Variants in TTC27 observed in about 807,000 individuals in gnomAD.
TTC27 encodes tetratricopeptide repeat domain 27.
In TTC27, 79 loss-of-function variants were observed where a neutral mutation model predicts 115.9. The ratio of observed to expected loss-of-function variants is 0.68; its 90% confidence interval spans 0.57 to 0.82. The LOEUF is 0.82. Among genes scored for constraint, TTC27 ranks in the 40% least tolerant of loss-of-function variants. TTC27 has a pLI of 0.00. For synonymous variants in TTC27, 401 were observed against 356.0 expected, an observed-to-expected ratio of 1.13 and a Z score of -1.42; for missense variants, 1,054 against 993.1, an observed-to-expected ratio of 1.06 and a Z score of -0.82.
intron 10 of TTC27, among the ~76,000 whole-genome samples, chr2:32,714,098 C>T (rs1178591545): frequency 6.6e-6 from 1 of 151,384 alleles, no homozygotes; most frequent in African/African-American, 2.4e-5. Flanking sequence ...AGAACATAAT[C>T]TTGTTCTTTT....
At chr2:32,744,738 G>A (rs1254602762) in intron 12 of TTC27, among the ~76,000 whole-genome samples, 1 of 152,108 alleles carries the variant, frequency 6.6e-6, no homozygotes, top group East Asian at 1.9e-4. Context: ...TTTGACATTT[G>A]AAATATCTGA....
At chr2:32,801,993 G>C (rs1301962975) in intron 16 of TTC27, among the ~76,000 whole-genome samples, 2 of 152,176 alleles carry the variant, frequency 1.3e-5, no homozygotes, top group Non-Finnish European at 2.9e-5. Flanking sequence ...TCTGTTATTA[G>C]TCTTCAGCAG....
At chr2:32,809,321 C>G (rs1173195083) in intron 16 of TTC27, among the ~76,000 whole-genome samples, 1 of 152,186 alleles carries the variant, frequency 6.6e-6, no homozygotes, top group Non-Finnish European at 1.5e-5. Context: ...AGTGCAATTG[C>G]AATATGCCAG....
chr2:32,797,730 G>A (rs916803366), intron 16 of TTC27, among the ~76,000 whole-genome samples: 7 of 152,078 alleles, frequency 4.6e-5, no homozygotes, highest in Non-Finnish European at 7.4e-5. Flanking sequence ...GACACCAAAA[G>A]CACAGGCAAT....
rs143596724 is a variant in TTC27, at chr2:32,799,857, A to G, written c.1999-11167A>G. Among the ~76,000 whole-genome samples the G allele has an allele frequency of 1.7e-3, 262 of 152,366 alleles. 1 individual carries two copies. The highest frequency in any genetic ancestry group is 3.2e-3 in the Non-Finnish European group (218 of 68,034). Reference sequence around the variant, plus strand: ...TAATATGTATTGAAATAGCTAGCCAAATGTTTAGGACCAAAAGCTTGAAAC... The same window carrying G: ...TAATATGTATTGAAATAGCTAGCCAGATGTTTAGGACCAAAAGCTTGAAAC... On this transcript the variant is annotated intron_variant, in intron 16 of 19. Coordinates refer to ENST00000317907, the MANE Select transcript of TTC27 (RefSeq NM_017735.5).
chr2:32,671,118 T>C (rs1335032708), intron 7 of TTC27, among the ~76,000 whole-genome samples: 1 of 152,204 alleles, frequency 6.6e-6, no homozygotes, highest in Non-Finnish European at 1.5e-5. Flanking sequence ...GTTTTTCTCT[T>C]ATAATTCATA....
chr2:32,644,562 C>G (rs1373899413), intron 4 of TTC27, among the ~76,000 whole-genome samples: 1 of 151,804 alleles, frequency 6.6e-6, no homozygotes, highest in African/African-American at 2.4e-5. Flanking sequence ...CTATGTATAC[C>G]TCATTTTGTG....
chr2:32,630,776 G>A, intron 2 of TTC27, 76 bp downstream of exon 2: 2 of 1,358,008 alleles, frequency 1.5e-6, no homozygotes, highest in Non-Finnish European at 2.0e-6. Flanking sequence ...GTAAGGCCCT[G>A]ATTTTAGCAG....
intron 15 of TTC27, among the ~76,000 whole-genome samples, chr2:32,785,417 G>T (rs1354729954): frequency 6.6e-6 from 1 of 152,032 alleles, no homozygotes; most frequent in Non-Finnish European, 1.5e-5. Context: ...CTCTGCATTT[G>T]TTTACTGTAG....
At chr2:32,771,322 C>T (rs1167268704) in intron 13 of TTC27, among the ~76,000 whole-genome samples, 1 of 152,170 alleles carries the variant, frequency 6.6e-6, no homozygotes, top group African/African-American at 2.4e-5. Context: ...GCCTGTTGCA[C>T]TGTAGAAAAA....
In TTC27 at chr2:32,672,328, A is replaced by G. The variant is rs1173619337; in HGVS notation, c.996A>G (p.Glu332=). 2 of 1,614,014 alleles carry G rather than the reference A, an allele frequency of 1.2e-6. No individual in the cohort carries two copies. The highest frequency in any genetic ancestry group is 1.7e-6 in the Non-Finnish European group (2 of 1,179,928). The stretch of plus-strand genomic sequence containing the variant: ...ATGACATAAAGTTAGCAGATTGTGA[A>G]CAGTTCCAGATGCCGGATCTGTGTG... The part of the protein sequence containing the change: ...ILNDIKLADC[E]QFQMPDLCAE... Residue 332 remains glutamate (E), a synonymous_variant, in exon 8 of 20, where the codon GAA becomes GAG. Transcript: ENST00000317907.
chr2:32,786,754 A>G (rs768305442), intron 15 of TTC27, among the ~76,000 whole-genome samples: 5 of 152,146 alleles, frequency 3.3e-5, no homozygotes, highest in Non-Finnish European at 5.9e-5. Context: ...CAGTAAATAG[A>G]TTAGGAAAGG....
At chr2:32,744,925 G>C (rs187057735) in intron 12 of TTC27, among the ~76,000 whole-genome samples, 1 of 151,986 alleles carries the variant, frequency 6.6e-6, no homozygotes, top group Non-Finnish European at 1.5e-5. Flanking sequence ...ATGGGCACCT[G>C]TAATCCCAGC....
intron 6 of TTC27, among the ~76,000 whole-genome samples, chr2:32,666,384 G>A (rs1665777277): frequency 6.7e-6 from 1 of 149,180 alleles, no homozygotes; most frequent in African/African-American, 2.5e-5. Context: ...TTTAAAGGGT[G>A]GTAGTTTGAT....
intron 5 of TTC27, among the ~76,000 whole-genome samples, chr2:32,650,610 C>T (rs1415514424): frequency 1.3e-5 from 2 of 151,684 alleles, no homozygotes; most frequent in Admixed American, 6.6e-5. Context: ...AAAAAAAGTC[C>T]TTAACTAACT....
At chr2:32,771,941 G>A (rs1669844095) in intron 13 of TTC27, among the ~76,000 whole-genome samples, 1 of 152,104 alleles carries the variant, frequency 6.6e-6, no homozygotes, top group Admixed American at 6.5e-5. Flanking sequence ...TATTATATGT[G>A]ACAGAAAAAT....
intron 7 of TTC27, among the ~76,000 whole-genome samples, chr2:32,668,132 A>C: frequency 6.6e-6 from 1 of 152,044 alleles, no homozygotes; most frequent in East Asian, 1.9e-4. Flanking sequence ...CGGAGCTTGC[A>C]GTGAGCCGAG....
Position 32,660,122 on chromosome 2 carries a change from A to G in TTC27, c.641-4181A>G, listed in dbSNP as rs1440057095. On this transcript the variant is annotated intron_variant, in intron 5 of 19. Coordinates refer to ENST00000317907, the MANE Select transcript of TTC27 (RefSeq NM_017735.5). ...TTCCACAATGGTTGAACTAATTTAC[A>G]TTCCCACCGACAGAGTAAAAGTGTT... is the stretch of plus-strand genomic sequence containing the variant. Among the ~76,000 whole-genome samples the G allele has an allele frequency of 2.0e-5, 3 of 152,288 alleles. No individual in the cohort carries two copies. The East Asian group carries it at 5.8e-4, about 29-fold the overall frequency.
At chr2:32,734,516 T>C (rs1668390433) in intron 11 of TTC27, among the ~76,000 whole-genome samples, 1 of 152,276 alleles carries the variant, frequency 6.6e-6, no homozygotes. Flanking sequence ...TACTCTCCTC[T>C]TTCTGAGGCT....
Sources: gnomAD v4.1 joint callset for allele counts (sites outside exome capture counted in the v4.1 genomes callset) on GRCh38, gnomAD v4.1.1 for gene constraint, MANE v1.5 for transcripts, NCBI Gene and HGNC (gene_info 2026-07-23, HGNC 2026-07-21) for gene names.